The following MACF1 variants were observed in gnomAD, a reference collection of about 807,000 sequenced individuals.
MACF1 encodes microtubule-actin cross-linking factor 1.
In MACF1, 193 loss-of-function variants were observed where a neutral mutation model predicts 854.8. The observed-to-expected ratio is 0.23, with a 90% CI of 0.20 to 0.25. The LOEUF (loss-of-function observed/expected upper bound fraction) is 0.25, where lower values mean the gene tolerates loss of function less well. MACF1 is among the 10% of genes least tolerant of loss of function. The probability of loss-of-function intolerance (pLI) is 1.00; values close to 1 mark genes in which losing one functional copy is unlikely to be tolerated. For synonymous variants in MACF1, 3,185 were observed against 3,226.7 expected (o/e 0.99, Z 0.44); for missense variants, 7,722 against 8,929.1 (o/e 0.86, Z 5.45).
chr1:39,286,887 T>C (rs1376529979), intron 14 of MACF1, among the ~76,000 whole-genome samples: 1 of 152,254 alleles, frequency 6.6e-6, no homozygotes, highest in Non-Finnish European at 1.5e-5. Flanking sequence ...GATGAAGATG[T>C]TCATAATATC....
At position 39,333,968 on chromosome 1, in the gene MACF1, T is replaced by A; in HGVS notation, c.7380T>A (p.Ile2460=). The A allele has an allele frequency of 6.2e-7, 1 of 1,614,168 alleles. No homozygotes were observed. Residue 2460 remains isoleucine (I), a synonymous_variant, in exon 37 of 101, where the codon ATT becomes ATA. Coordinates refer to ENST00000564288, the MANE Select transcript of MACF1 (RefSeq NM_001394062.1). ...AAAAAACAGTTAGGGAGAGATTAAT[T>A]AGTTTACAAATGGAAACAACAGGAC... ...DAEKTVRERL[I]SLQMETTGLI...
Position 39,286,791 on chromosome 1 carries a change from A to G in MACF1, c.1509-495A>G, listed in dbSNP as rs1487675672. Among the ~76,000 whole-genome samples, 3 of 152,042 alleles carry G rather than the reference A, an allele frequency of 2.0e-5. No individual in the cohort carries two copies. The East Asian group carries it at 5.8e-4, about 29-fold the overall frequency. On this transcript the variant is annotated intron_variant, in intron 14 of 100. Coordinates refer to ENST00000564288, the MANE Select transcript of MACF1 (RefSeq NM_001394062.1). Reference sequence around the variant, plus strand: ...TGACCCCTAATCCATTGTTTATTATATTTGGGAGTTATATAAATAGTATTG... The same window carrying G: ...TGACCCCTAATCCATTGTTTATTATGTTTGGGAGTTATATAAATAGTATTG...
rs1301217364 is a variant in MACF1, at chr1:39,233,800, TTA to T, written c.171+2559_171+2560del. Among the ~76,000 whole-genome samples the T allele has an allele frequency of 1.2e-4, 11 of 94,728 alleles. 1 individual carries two copies. The highest frequency in any genetic ancestry group is 3.2e-4 in the East Asian group (1 of 3,080). 62.1% of individuals were successfully genotyped at this position (94,728 alleles called of 152,430 possible). Reference sequence around the variant, plus strand: ...CTTTTTTTTTTTTTTTTTTTTTTATTTATTTTTTATTGATAATTCTTGGGTGT... The same window carrying T: ...CTTTTTTTTTTTTTTTTTTTTTTATTTTTTTTATTGATAATTCTTGGGTGT... On this transcript the variant is annotated intron_variant, in intron 2 of 100. Coordinates refer to ENST00000564288, the MANE Select transcript of MACF1 (RefSeq NM_001394062.1).
intron 2 of MACF1, among the ~76,000 whole-genome samples, chr1:39,150,175 G>A (rs1280896587): frequency 1.3e-5 from 2 of 152,004 alleles, no homozygotes; most frequent in Admixed American, 1.3e-4. Context: ...ATGTCACCAT[G>A]GCTGGCTAAT....
chr1:39,257,096 T>C (rs1645105598), intron 5 of MACF1, among the ~76,000 whole-genome samples: 1 of 152,232 alleles, frequency 6.6e-6, no homozygotes, highest in East Asian at 1.9e-4. Context: ...AAGAAATTAC[T>C]GTGCTCACAC....
intron 2 of MACF1, among the ~76,000 whole-genome samples, chr1:39,190,285 TCTTTC>T (rs984057901): frequency 1.3e-5 from 2 of 151,900 alleles, no homozygotes; most frequent in Non-Finnish European, 2.9e-5. Flanking sequence ...CTCTCTTCTT[TCTTTC>T]TTTTTTCCTC....
intron 45 of MACF1, 39 bp downstream of exon 45, chr1:39,357,932 A>G (rs780093869): frequency 6.4e-7 from 1 of 1,567,650 alleles, no homozygotes; most frequent in Non-Finnish European, 8.6e-7. Flanking sequence ...TGAAACAATC[A>G]TGGCAGCCTT....
intron 40 of MACF1, among the ~76,000 whole-genome samples, chr1:39,344,131 A>G (rs1346112662): frequency 6.7e-6 from 1 of 149,936 alleles, no homozygotes; most frequent in Non-Finnish European, 1.5e-5. Flanking sequence ...AAAAAAAAGA[A>G]AAAAAGTTTT....
intron 43 of MACF1, among the ~76,000 whole-genome samples, chr1:39,351,902 AAT>A (rs1181148452): frequency 6.6e-6 from 1 of 152,088 alleles, no homozygotes; most frequent in Non-Finnish European, 1.5e-5. Context: ...GACATATTTT[AAT>A]ATGAGTCTAG....
At chr1:39,438,242 C>T (rs754556256) in intron 71 of MACF1, among the ~76,000 whole-genome samples, 6 of 152,192 alleles carry the variant, frequency 3.9e-5, no homozygotes, top group African/African-American at 1.2e-4. Flanking sequence ...GCTCCTTTAA[C>T]CCCTAACGTG....
At chr1:39,377,379 C>A (rs1649815917) in intron 52 of MACF1, among the ~76,000 whole-genome samples, 1 of 152,170 alleles carries the variant, frequency 6.6e-6, no homozygotes, top group African/African-American at 2.4e-5. Context: ...TGAGAGTTTT[C>A]TGTCCTTTTA....
At chr1:39,143,019 G>GGT (rs1454425643) in intron 2 of MACF1, among the ~76,000 whole-genome samples, 4 of 152,302 alleles carry the variant, frequency 2.6e-5, no homozygotes, top group African/African-American at 9.6e-5. Context: ...CCCGAGTGAA[G>GGT]GTGAACCAGA....
At position 39,331,257 on chromosome 1, in the gene MACF1, A is replaced by C; in HGVS notation, c.4669A>C (p.Ile1557Leu). Residue 1557 changes from isoleucine to leucine, a missense_variant, in exon 37 of 101, where the codon ATC (isoleucine) becomes CTC (leucine). This residue lies in a region of MACF1 where 1,531 missense variants were observed against 1,601.6 expected (regional missense o/e 0.96). Transcript: ENST00000564288. ...IDLGTVEIFPIFKAMQKGLLD... is the reference protein window; with the variant it reads ...IDLGTVEIFPLFKAMQKGLLD... ...CCTAGGCACAGTGGAGATATTTCCC[A>C]TCTTCAAAGCCATGCAAAAGGGCCT... 6.2e-7 allele frequency: 1 copy of C among 1,600,090 alleles called. No homozygotes were observed.
At chr1:39,360,770 C>G (rs998787047) in intron 47 of MACF1, 23 bp from the exon 48 acceptor site, 3 of 1,536,756 alleles carry the variant, frequency 2.0e-6, no homozygotes, top group Non-Finnish European at 1.8e-6. Context: ...TCCACTCTTT[C>G]TTTTCATGGC....
chr1:39,097,787 T>G lies in MACF1; in HGVS notation c.220+13349T>G, dbSNP rs534140599. 5.9e-4 allele frequency among the ~76,000 whole-genome samples: 90 copies of G among 152,196 alleles called. 1 individual carries two copies. Among genetic ancestry groups the G allele is most frequent in the Non-Finnish European group, 7.3e-4 (50 of 68,032 alleles). ...GTTATAGGGGCCTGTGCCCCAGGAC[T>G]GCCCTGATGCTGGTGAACTGCTTCA... On this transcript the variant is annotated intron_variant, in intron 2 of 93. Coordinates refer to the MACF1 transcript ENST00000361689.
At chr1:39,217,736 G>T (rs926091488) in intron 1 of MACF1, among the ~76,000 whole-genome samples, 37 of 152,010 alleles carry the variant, frequency 2.4e-4, no homozygotes, top group Non-Finnish European at 4.9e-4. Flanking sequence ...AGTTAGCAGG[G>T]TGTGGTGGCG....
chr1:39,153,328 C>T (rs988858181), intron 2 of MACF1, among the ~76,000 whole-genome samples: 2 of 152,094 alleles, frequency 1.3e-5, no homozygotes, highest in African/African-American at 2.4e-5. Context: ...ATCTGAGGTC[C>T]TATAGGTACA....
intron 58 of MACF1, among the ~76,000 whole-genome samples, chr1:39,394,258 G>GATTT (rs1642183861): frequency 6.7e-6 from 1 of 148,808 alleles, no homozygotes; most frequent in Non-Finnish European, 1.5e-5. Context: ...TTGATTGATT[G>GATTT]ATTGATTGAT....
chr1:39,310,989 G>A lies in MACF1; in HGVS notation c.3259G>A (p.Ala1087Thr). 6.2e-7 allele frequency: 1 copy of A among 1,612,818 alleles called. No homozygotes were observed. Among genetic ancestry groups the A allele is most frequent in the Non-Finnish European group, 8.5e-7 (1 of 1,179,556 alleles). ...CTGGCAGGACAATGCATTAAGGATT[G>A]CAGAGCAAGAGGTAAGCCCTAAGAG... ...DAWQDNALRI[A>T]EQEHTQEDLQ... Residue 1087 changes from alanine to threonine, a missense_variant, in exon 26 of 101, where the codon GCA (alanine) becomes ACA (threonine). By Grantham distance (58) the Ala-to-Thr change is moderately conservative. Coordinates refer to ENST00000564288, the MANE Select transcript of MACF1 (RefSeq NM_001394062.1).
Sources: gnomAD v4.1 joint callset for allele counts (sites outside exome capture counted in the v4.1 genomes callset) on GRCh38, gnomAD v4.1.1 for gene constraint, gnomAD v4.1.1 regional missense constraint, MANE v1.5 for transcripts, NCBI Gene and HGNC (gene_info 2026-07-23, HGNC 2026-07-21) for gene names.